Variants in B3GALT1 observed in about 807,000 individuals in gnomAD.
B3GALT1 encodes the protein UDP-Gal:betaGlcNAc beta 1,3-galactosyltransferase, polypeptide 1.
A neutral mutation model predicts 23.2 loss-of-function variants in B3GALT1; 10 were observed. The observed-to-expected ratio is 0.43, with a 90% CI of 0.27 to 0.73. The LOEUF (loss-of-function observed/expected upper bound fraction) is 0.73, where lower values mean the gene tolerates loss of function less well. Among genes scored for constraint, B3GALT1 ranks in the 30% least tolerant of loss-of-function variants. The pLI is 0.21. For synonymous variants in B3GALT1, 156 were observed against 141.5 expected, an observed-to-expected ratio of 1.10 and a Z score of -0.73; for missense variants, 299 against 405.4, an observed-to-expected ratio of 0.74 and a Z score of 2.25.
At chr2:167,444,549 G>T (rs572591547) in intron 1 of B3GALT1, among the ~76,000 whole-genome samples, 2 of 152,152 alleles carry the variant, frequency 1.3e-5, no homozygotes, top group African/African-American at 4.8e-5. Flanking sequence ...TTCAGATCCT[G>T]TTATTGGTCT....
intron 2 of B3GALT1, among the ~76,000 whole-genome samples, chr2:167,547,700 A>AAAAAAAAAAAAAAAAAAAAAAAAAG (rs1558900508): frequency 6.6e-6 from 1 of 151,228 alleles, no homozygotes; most frequent in African/African-American, 2.4e-5. Flanking sequence ...TCTCAAAAAA[A>AAAAAAAAAAAAAAAAAAAAAAAAAG]AAAAAAAAAA....
chr2:167,302,643 TA>T lies in B3GALT1; in HGVS notation c.-511+9316del, dbSNP rs1175870205. ...AAATTTTTTTATTGTCATATCAGGT[TA>T]AAAAAACAATAAAAATAATTGCATG... On this transcript the variant is annotated intron_variant, in intron 1 of 4. Transcript: ENST00000392690. Among the ~76,000 whole-genome samples the T allele has an allele frequency of 7.9e-5, 12 of 152,222 alleles. No homozygotes were observed. In the South Asian group the frequency reaches 1.7e-3, roughly 21 times the overall value.
intron 2 of B3GALT1, among the ~76,000 whole-genome samples, chr2:167,495,769 T>C (rs149769636): frequency 1.8e-4 from 27 of 152,256 alleles, no homozygotes; most frequent in African/African-American, 6.5e-4. Context: ...AGATGGTGCT[T>C]AGAATTTTGG....
In B3GALT1 at chr2:167,843,415, A is replaced by G. The variant is rs1007448893; in HGVS notation, c.-230+24622A>G. Reference sequence around the variant, plus strand: ...GATGCCCAGAAGGACCTCTGTGGTGAATCCCCAGATAGGAATCCTCAGTGC... The same window carrying G: ...GATGCCCAGAAGGACCTCTGTGGTGGATCCCCAGATAGGAATCCTCAGTGC... On this transcript the variant is annotated intron_variant, in intron 4 of 4. Transcript: ENST00000392690. Among the ~76,000 whole-genome samples, 9 of 152,300 alleles carry G rather than the reference A, an allele frequency of 5.9e-5. No individual in the cohort carries two copies. The South Asian group carries it at 1.7e-3, about 28-fold the overall frequency.
At chr2:167,660,628 G>A (rs903761257) in intron 3 of B3GALT1, among the ~76,000 whole-genome samples, 5 of 151,974 alleles carry the variant, frequency 3.3e-5, no homozygotes, top group African/African-American at 4.8e-5. Flanking sequence ...AAATCATAAG[G>A]GTCTGGAACC....
At chr2:167,339,530 C>A (rs1697115481) in intron 1 of B3GALT1, among the ~76,000 whole-genome samples, 1 of 151,960 alleles carries the variant, frequency 6.6e-6, no homozygotes, top group Admixed American at 6.6e-5. Flanking sequence ...TTCAATTTTA[C>A]TTGAAGTAGT....
chr2:167,693,341 A>G (rs1345513677), intron 3 of B3GALT1, among the ~76,000 whole-genome samples: 1 of 152,128 alleles, frequency 6.6e-6, no homozygotes, highest in Non-Finnish European at 1.5e-5. Flanking sequence ...AAAATAGCCT[A>G]GGAAGCAGGA....
chr2:167,839,219 G>C (rs1223827214), intron 4 of B3GALT1, among the ~76,000 whole-genome samples: 2 of 152,108 alleles, frequency 1.3e-5, no homozygotes, highest in Admixed American at 6.5e-5. Context: ...ATTCAATTAG[G>C]AAAAGAGGAA....
intron 3 of B3GALT1, among the ~76,000 whole-genome samples, chr2:167,659,374 A>G (rs761647134): frequency 3.0e-4 from 46 of 152,042 alleles, no homozygotes; most frequent in Non-Finnish European, 5.7e-4. Flanking sequence ...ATTTATTATT[A>G]GGAGCCTTTT....
chr2:167,731,437 G>T (rs1483319909), intron 3 of B3GALT1, among the ~76,000 whole-genome samples: 1 of 152,160 alleles, frequency 6.6e-6, no homozygotes, highest in Non-Finnish European at 1.5e-5. Context: ...AGCGCCCAAA[G>T]CTAACCAGGC....
intron 3 of B3GALT1, among the ~76,000 whole-genome samples, chr2:167,728,088 G>A (rs560412545): frequency 3.9e-5 from 6 of 152,102 alleles, no homozygotes; most frequent in East Asian, 1.9e-4. Flanking sequence ...AATATTTTTC[G>A]TGTCAAAGCT....
intron 2 of B3GALT1, among the ~76,000 whole-genome samples, chr2:167,495,018 A>G (rs1400425274): frequency 1.3e-5 from 2 of 152,192 alleles, no homozygotes; most frequent in African/African-American, 2.4e-5. Flanking sequence ...ATGTATATGT[A>G]TATGACAAAA....
chr2:167,752,356 T>G (rs1381885689), intron 3 of B3GALT1, among the ~76,000 whole-genome samples: 1 of 152,182 alleles, frequency 6.6e-6, no homozygotes, highest in Non-Finnish European at 1.5e-5. Flanking sequence ...AATTGCAGTG[T>G]ACTTACAAAT....
At chr2:167,543,191 T>C (rs906462179) in intron 2 of B3GALT1, among the ~76,000 whole-genome samples, 3 of 152,144 alleles carry the variant, frequency 2.0e-5, no homozygotes, top group African/African-American at 7.2e-5. Flanking sequence ...CAGAGATGAC[T>C]TTTTTTGAAA....
At chr2:167,839,876 A>AT in intron 4 of B3GALT1, among the ~76,000 whole-genome samples, 1 of 152,302 alleles carries the variant, frequency 6.6e-6, no homozygotes, top group East Asian at 1.9e-4. Context: ...ATAACGCCGC[A>AT]TATCTGCAAC....
At chr2:167,365,583 A>AATACAC (rs1226829762) in intron 1 of B3GALT1, among the ~76,000 whole-genome samples, 1 of 114,126 alleles carries the variant, frequency 8.8e-6, no homozygotes, top group Non-Finnish European at 1.8e-5. Flanking sequence ...TAGAGATACA[A>AATACAC]ATACACACAC....
chr2:167,365,585 TACACACACACACAC>T (rs10683932), intron 1 of B3GALT1, among the ~76,000 whole-genome samples: 26 of 140,474 alleles, frequency 1.9e-4, no homozygotes, highest in South Asian at 9.4e-4. Flanking sequence ...GAGATACAAA[TACACACACACACAC>T]ACACACACAC....
chr2:167,540,720 T>C (rs78467547), intron 2 of B3GALT1, among the ~76,000 whole-genome samples: 10,944 of 152,230 alleles, frequency 0.072, 578 homozygotes, highest in African/African-American at 0.15. Context: ...TTATTTCTAA[T>C]GTACCATTAA....
chr2:167,845,418 G>T (rs1574298089), intron 4 of B3GALT1, among the ~76,000 whole-genome samples: 1 of 152,174 alleles, frequency 6.6e-6, no homozygotes, highest in Non-Finnish European at 1.5e-5. Context: ...CATATCACAG[G>T]ACTCTGTGCA....
Sources: allele counts gnomAD v4.1 joint callset (sites outside exome capture counted in the v4.1 genomes callset), GRCh38; gene constraint gnomAD v4.1.1; transcripts MANE v1.5; gene names NCBI Gene and HGNC (gene_info 2026-07-23, HGNC 2026-07-21).